Variants in EBF3 observed in about 807,000 individuals in gnomAD.
The protein encoded by EBF3 is transcription factor COE3.
Under a neutral mutation model 77.1 loss-of-function variants are expected in EBF3, and 18 were observed. The observed-to-expected ratio is 0.23, with a 90% CI of 0.16 to 0.35. The LOEUF (loss-of-function observed/expected upper bound fraction) is 0.35, where lower values mean the gene tolerates loss of function less well. Among genes scored for constraint, EBF3 ranks in the 10% least tolerant of loss-of-function variants. The probability of loss-of-function intolerance (pLI) is 1.00; values close to 1 mark genes in which losing one functional copy is unlikely to be tolerated. For synonymous variants in EBF3, 350 were observed against 343.5 expected, an observed-to-expected ratio of 1.02 and a Z score of -0.21; for missense variants, 558 against 860.0, an observed-to-expected ratio of 0.65 and a Z score of 4.39.
chr10:129,885,269 C>T lies in EBF3; in HGVS notation c.555-7420G>A, dbSNP rs577612362. Among the ~76,000 whole-genome samples the T allele has an allele frequency of 7.9e-5, 12 of 152,248 alleles. No homozygotes were observed. The highest frequency in any genetic ancestry group is 2.1e-4 in the South Asian group (1 of 4,826). ...AATATCCCCTTCCAGAACAGATCCC[C>T]GCCAAGTCCTCCGTTTGGAGAAATT... On this transcript the variant is annotated intron_variant, in intron 6 of 16. Transcript: ENST00000440978. This position sits in a 1 kb window ranked among gnomAD's most constrained non-coding sequence, Gnocchi z 4.0.
rs1244485179 is a variant in EBF3, at chr10:129,878,720, G to T, written c.555-871C>A. 1.4e-5 allele frequency among the ~76,000 whole-genome samples: 2 copies of T among 148,016 alleles called. 1 individual carries two copies. Among genetic ancestry groups the T allele is most frequent in the Non-Finnish European group, 3.0e-5 (2 of 67,252 alleles). ...GGTACAGCTCTTAAAAAGCAATTGG[G>T]GGGTGGGGCAGGAGAATCACTTGAA... is the stretch of plus-strand genomic sequence containing the variant. On this transcript the variant is annotated intron_variant, in intron 6 of 16. Coordinates refer to ENST00000440978, the MANE Select transcript of EBF3 (RefSeq NM_001375380.1).
intron 6 of EBF3, among the ~76,000 whole-genome samples, chr10:129,913,230 G>C (rs1002811096): frequency 6.6e-6 from 1 of 152,258 alleles, no homozygotes; most frequent in Non-Finnish European, 1.5e-5. Flanking sequence ...AAAGAAAACA[G>C]CATAAAGATA....
At chr10:129,855,110 C>T (rs1564828316) in intron 10 of EBF3, among the ~76,000 whole-genome samples, 1 of 152,238 alleles carries the variant, frequency 6.6e-6, no homozygotes, top group African/African-American at 2.4e-5. Flanking sequence ...CAGCATCCCC[C>T]CAACCCGCTC....
intron 6 of EBF3, among the ~76,000 whole-genome samples, chr10:129,881,463 G>A (rs976048412): frequency 3.9e-5 from 6 of 152,160 alleles, no homozygotes; most frequent in East Asian, 1.9e-4. Context: ...ACAGCAGCTC[G>A]AGATAAACTG....
chr10:129,863,091 G>A lies in EBF3; in HGVS notation c.1039+4050C>T, dbSNP rs1851752533. On this transcript the variant is annotated intron_variant, in intron 10 of 16. Transcript: ENST00000440978. This position sits in a 1 kb window ranked among gnomAD's most constrained non-coding sequence, Gnocchi z 4.0. ...CCACCAGTTTATATTGCATTTTACA[G>A]TCTAGAAGGCAATTTACTATTAACT... Among the ~76,000 whole-genome samples the A allele has an allele frequency of 6.6e-6, 1 of 152,158 alleles. No individual in the cohort carries two copies. The highest frequency in any genetic ancestry group is 2.4e-5 in the African/African-American group (1 of 41,426).
At chr10:129,869,477 C>T (rs1852263058) in intron 8 of EBF3, among the ~76,000 whole-genome samples, 1 of 152,028 alleles carries the variant, frequency 6.6e-6, no homozygotes, top group African/African-American at 2.4e-5. Flanking sequence ...ATCTTGGGGC[C>T]TTATTAGGTT....
In EBF3 at chr10:129,963,527, C is replaced by G. The variant is rs756207414; in HGVS notation, c.135-4G>C. 1 of 1,528,356 alleles carries G rather than the reference C, an allele frequency of 6.5e-7. No individual in the cohort carries two copies. The highest frequency in any genetic ancestry group is 2.8e-5 in the East Asian group (1 of 36,068). 94.7% of individuals were successfully genotyped at this position (1,528,356 alleles called of 1,614,324 possible). Reference sequence around the variant, plus strand: ...CGCCCGCGCCAGCCCCACGCCGCTGCGGGAGGAAAGAGACAGCGGCCCGGT... The same window carrying G: ...CGCCCGCGCCAGCCCCACGCCGCTGGGGGAGGAAAGAGACAGCGGCCCGGT... On this transcript the variant is annotated splice_region_variant and splice_polypyrimidine_tract_variant and intron_variant, in intron 1 of 16. Transcript: ENST00000440978. The surrounding 1 kb of genome is among the most constrained non-coding windows in gnomAD (Gnocchi z 7.1).
In EBF3 at chr10:129,942,216, C is replaced by T. The variant is rs190861186; in HGVS notation, c.554+15042G>A. On this transcript the variant is annotated intron_variant, in intron 6 of 16. Transcript: ENST00000440978. ...TTGTGCTTAAGTTTTGAAAGATCAT[C>T]GCAGCTTTTGAGTGATTTTAGGACA... 3.0e-3 allele frequency among the ~76,000 whole-genome samples: 451 copies of T among 152,282 alleles called. 4 individuals carry two copies. The highest frequency in any genetic ancestry group is 6.8e-3 in the Middle Eastern group (2 of 294).
intron 6 of EBF3, 23 bp from the exon 7 acceptor site, chr10:129,877,872 A>G (rs1265657148): frequency 4.4e-6 from 7 of 1,578,140 alleles, no homozygotes; most frequent in South Asian, 3.4e-5. Context: ...CAAAAAGATG[A>G]TATTTATTAG....
chr10:129,854,744 A>T (rs190684580), intron 10 of EBF3, among the ~76,000 whole-genome samples: 148 of 152,352 alleles, frequency 9.7e-4, no homozygotes, highest in Non-Finnish European at 7.5e-4. Context: ...TCTCAAAGTC[A>T]ATACTTTGCA....
chr10:129,841,869 G>A lies in EBF3; in HGVS notation c.1372+247C>T, dbSNP rs1850084497. On this transcript the variant is annotated intron_variant, in intron 13 of 16. Transcript: ENST00000440978. The surrounding 1 kb of genome is among the most constrained non-coding windows in gnomAD (Gnocchi z 4.6). Reference sequence around the variant, plus strand: ...TGAGGGAAACTTCTAGCAAATACCAGTGACCCGCATGGCATCCATTGGAGC... The same window carrying A: ...TGAGGGAAACTTCTAGCAAATACCAATGACCCGCATGGCATCCATTGGAGC... Among the ~76,000 whole-genome samples the A allele has an allele frequency of 6.6e-6, 1 of 152,140 alleles. No homozygotes were observed. The highest frequency in any genetic ancestry group is 2.1e-4 in the South Asian group (1 of 4,822).
At position 129,863,407 on chromosome 10, in the gene EBF3, C is replaced by T. The variant is rs867892891; in HGVS notation, c.1039+3734G>A. ...CCTGGCCTGCCTTCCCCTTCCCACT[C>T]GGGGTTGACTAATAGGGTCTGGTTC... On this transcript the variant is annotated intron_variant, in intron 10 of 16. Coordinates refer to ENST00000440978, the MANE Select transcript of EBF3 (RefSeq NM_001375380.1). This position sits in a 1 kb window ranked among gnomAD's most constrained non-coding sequence, Gnocchi z 4.0. Among the ~76,000 whole-genome samples the T allele has an allele frequency of 5.9e-5, 9 of 152,338 alleles. No individual in the cohort carries two copies. Among genetic ancestry groups the T allele is most frequent in the East Asian group, 1.9e-4 (1 of 5,182 alleles).
At chr10:129,916,547 A>G (rs1360113858) in intron 6 of EBF3, among the ~76,000 whole-genome samples, 1 of 152,224 alleles carries the variant, frequency 6.6e-6, no homozygotes, top group African/African-American at 2.4e-5. Context: ...GTTTGAGAGC[A>G]GTGGAGTTGA....
rs577923544 is a variant in EBF3, at chr10:129,883,371, C to A, written c.555-5522G>T. ...CCAGCCTCGGTCCTAGAAGGACAAC[C>A]CCCTTTTGCGGCCCTCAATGATGGG... On this transcript the variant is annotated intron_variant, in intron 6 of 16. Coordinates refer to ENST00000440978, the MANE Select transcript of EBF3 (RefSeq NM_001375380.1). Among the ~76,000 whole-genome samples, 5 of 152,332 alleles carry A rather than the reference C, an allele frequency of 3.3e-5. No individual in the cohort carries two copies. In the South Asian group the frequency reaches 1.0e-3, roughly 32 times the overall value.
chr10:129,839,908 C>T (rs989774899), intron 15 of EBF3, among the ~76,000 whole-genome samples: 13 of 152,200 alleles, frequency 8.5e-5, no homozygotes, highest in African/African-American at 2.7e-4. Flanking sequence ...TGAATCAGAC[C>T]GACAGTGACC....
chr10:129,846,994 G>T, intron 11 of EBF3, among the ~76,000 whole-genome samples: 1 of 152,140 alleles, frequency 6.6e-6, no homozygotes, highest in African/African-American at 2.4e-5. Context: ...CGCCCTGGGG[G>T]CTCAGGGAAA....
intron 6 of EBF3, among the ~76,000 whole-genome samples, chr10:129,946,552 C>T (rs1239929922): frequency 6.6e-6 from 1 of 152,144 alleles, no homozygotes; most frequent in African/African-American, 2.4e-5. Context: ...ATTTTTAAAA[C>T]TCTAAGGCAC....
intron 8 of EBF3, among the ~76,000 whole-genome samples, chr10:129,871,427 A>G (rs549120583): frequency 2.6e-5 from 4 of 152,280 alleles, no homozygotes; most frequent in Admixed American, 1.3e-4. Context: ...ACCATCAGCG[A>G]CTGTGTACAC....
intron 6 of EBF3, among the ~76,000 whole-genome samples, chr10:129,878,823 C>CAAAAAAAAAAAAA (rs10654202): frequency 1.7e-5 from 1 of 58,772 alleles, no homozygotes; most frequent in African/African-American, 6.2e-5. Flanking sequence ...AAATCGGTCT[C>CAAAAAAAAAAAAA]AAAAAAAAAA....
Sources: gnomAD v4.1 joint callset for allele counts (sites outside exome capture counted in the v4.1 genomes callset) on GRCh38, gnomAD v4.1.1 for gene constraint, Gnocchi (gnomAD v3.1) non-coding constraint, MANE v1.5 for transcripts, NCBI Gene and HGNC (gene_info 2026-07-23, HGNC 2026-07-21) for gene names.